Variants in RAB3GAP1 observed in about 807,000 individuals in gnomAD.
RAB3GAP1 encodes the protein RAB3 GTPase activating protein catalytic subunit 1.
RAB3GAP1 carries 86 observed loss-of-function variants against 130.7 expected under a neutral mutation model. The ratio of observed to expected loss-of-function variants is 0.66; its 90% CI spans 0.55 to 0.79. The LOEUF (loss-of-function observed/expected upper bound fraction) is 0.79, where lower values mean the gene tolerates loss of function less well. RAB3GAP1 is among the 30% of genes least tolerant of loss of function. RAB3GAP1 has a pLI of 0.00. For missense variants in RAB3GAP1, 1,029 were observed against 1,169.4 expected (o/e 0.88, Z 1.75); for synonymous variants, 367 against 401.7 (o/e 0.91, Z 1.03).
intron 17 of RAB3GAP1, among the ~76,000 whole-genome samples, chr2:135,147,166 C>T (rs775990624): frequency 2.0e-5 from 3 of 151,816 alleles, no homozygotes; most frequent in Admixed American, 6.6e-5. Flanking sequence ...GCCACCATGA[C>T]GAAACCCTGT....
intron 6 of RAB3GAP1, among the ~76,000 whole-genome samples, chr2:135,114,030 G>A (rs1478189135): frequency 6.6e-6 from 1 of 152,184 alleles, no homozygotes; most frequent in Non-Finnish European, 1.5e-5. Context: ...GATTATAGGT[G>A]TAAGCGACTG....
chr2:135,093,785 C>T (rs1364658094), intron 5 of RAB3GAP1, 92 bp downstream of exon 5: 1 of 987,172 alleles, frequency 1.0e-6, no homozygotes. Flanking sequence ...TAAGAAGACT[C>T]AGAGGACTCA....
At chr2:135,063,191 G>A (rs568997331) in intron 3 of RAB3GAP1, among the ~76,000 whole-genome samples, 18 of 152,098 alleles carry the variant, frequency 1.2e-4, no homozygotes, top group African/African-American at 4.3e-4. Flanking sequence ...TTTGCTGAAC[G>A]TTTTTTGTTT....
In RAB3GAP1 at chr2:135,117,684, G is replaced by C. The variant is rs62170235; in HGVS notation, c.648+2303G>C. Among the ~76,000 whole-genome samples, 3 of 22,752 alleles carry C rather than the reference G, an allele frequency of 1.3e-4. No individual in the cohort carries two copies. The South Asian group carries it at 4.6e-3, about 35-fold the overall frequency. 14.9% of individuals were successfully genotyped at this position (22,752 alleles called of 152,430 possible). On this transcript the variant is annotated intron_variant, in intron 7 of 23. Transcript: ENST00000264158. ...TTCTGCTTCTGCTTCTTCTGCTTCT[G>C]CTTCTTCTTCTGCTTCTTCTGCTTC...
In RAB3GAP1 at chr2:135,093,807, C is replaced by T. The variant is rs555284846; in HGVS notation, c.362+114C>T. On this transcript the variant is annotated intron_variant, in intron 5 of 23. Coordinates refer to ENST00000264158, the MANE Select transcript of RAB3GAP1 (RefSeq NM_012233.3). ...ACTCAGAGGACTCAGCATTTAATTG[C>T]AGCTGATTTATTGCAGAGACAGGAT... 7.1e-5 allele frequency: 62 copies of T among 878,982 alleles called. 1 individual carries two copies. The South Asian group carries it at 7.9e-4, about 11-fold the overall frequency. 54.4% of individuals were successfully genotyped at this position (878,982 alleles called of 1,614,324 possible).
Position 135,093,647 on chromosome 2 carries a change from G to A in RAB3GAP1, c.316G>A (p.Gly106Ser), listed in dbSNP as rs765329086. Reference sequence around the variant, plus strand: ...TCCACAATCTATGCAAGATTTGCTGGGTATGAATAATGACTTTCCTCCAAG... The same window carrying A: ...TCCACAATCTATGCAAGATTTGCTGAGTATGAATAATGACTTTCCTCCAAG... ...VVPQSMQDLL[G>S]MNNDFPPRAH... The change falls in exon 5 of 24, where the codon GGT becomes AGT. Residue 106 changes from glycine to serine, a missense_variant. Physicochemically the swap from Gly to Ser is moderately conservative, Grantham distance 56 (BLOSUM62 0). This residue lies in a region of RAB3GAP1 where 510 missense variants were observed against 532.1 expected (regional missense o/e 0.96). Coordinates refer to ENST00000264158, the MANE Select transcript of RAB3GAP1 (RefSeq NM_012233.3). 9.3e-6 allele frequency: 15 copies of A among 1,613,604 alleles called. No homozygotes were observed. Among genetic ancestry groups the A allele is most frequent in the Non-Finnish European group, 1.3e-5 (15 of 1,179,566 alleles).
At chr2:135,116,574 G>A (rs1471639238) in intron 7 of RAB3GAP1, among the ~76,000 whole-genome samples, 1 of 152,100 alleles carries the variant, frequency 6.6e-6, no homozygotes, top group Non-Finnish European at 1.5e-5. Context: ...TGGGACAATT[G>A]GGATGATTTT....
intron 5 of RAB3GAP1, among the ~76,000 whole-genome samples, chr2:135,108,172 T>C (rs933961737): frequency 1.3e-5 from 2 of 152,072 alleles, no homozygotes; most frequent in Admixed American, 6.6e-5. Context: ...ACCTTTCTCA[T>C]TTGGAGGATG....
chr2:135,145,526 T>C (rs1242867912), intron 17 of RAB3GAP1, among the ~76,000 whole-genome samples: 1 of 151,752 alleles, frequency 6.6e-6, no homozygotes, highest in Non-Finnish European at 1.5e-5. Context: ...TTAGGAATAC[T>C]GTCAGTGGAG....
At chr2:135,097,271 C>T (rs1446590204) in intron 5 of RAB3GAP1, among the ~76,000 whole-genome samples, 1 of 149,560 alleles carries the variant, frequency 6.7e-6, no homozygotes, top group Non-Finnish European at 1.5e-5. Flanking sequence ...GGCTGGAATA[C>T]ATTGATGCAA....
At chr2:135,124,756 A>G (rs1159318259) in intron 9 of RAB3GAP1, among the ~76,000 whole-genome samples, 1 of 152,232 alleles carries the variant, frequency 6.6e-6, no homozygotes, top group Non-Finnish European at 1.5e-5. Context: ...ATAACTCAGC[A>G]AACTGTGTCC....
At chr2:135,069,131 C>T (rs952951959) in intron 3 of RAB3GAP1, among the ~76,000 whole-genome samples, 2 of 152,152 alleles carry the variant, frequency 1.3e-5, no homozygotes, top group Admixed American at 1.3e-4. Context: ...TTATTACATA[C>T]ACAACACATT....
At chr2:135,131,814 G>T (rs1006968072) in intron 13 of RAB3GAP1, among the ~76,000 whole-genome samples, 1 of 152,162 alleles carries the variant, frequency 6.6e-6, no homozygotes, top group African/African-American at 2.4e-5. Context: ...GGCATATATG[G>T]GTCTTTGATA....
intron 5 of RAB3GAP1, among the ~76,000 whole-genome samples, chr2:135,095,011 G>A (rs1229497867): frequency 6.6e-6 from 1 of 152,136 alleles, no homozygotes; most frequent in Non-Finnish European, 1.5e-5. Context: ...AAACATGGGA[G>A]TGGAGATATC....
intron 2 of RAB3GAP1, among the ~76,000 whole-genome samples, chr2:135,056,483 G>T (rs1275936253): frequency 2.0e-5 from 3 of 152,206 alleles, no homozygotes; most frequent in Admixed American, 6.5e-5. Flanking sequence ...GATTACACGC[G>T]TGAGCCGCTG....
chr2:135,144,518 G>A (rs1344392976), intron 17 of RAB3GAP1, among the ~76,000 whole-genome samples: 1 of 152,234 alleles, frequency 6.6e-6, no homozygotes, highest in Non-Finnish European at 1.5e-5. Context: ...GGATTACTCA[G>A]AGGAAAGCAT....
At chr2:135,079,855 C>T (rs1689737216) in intron 3 of RAB3GAP1, among the ~76,000 whole-genome samples, 2 of 152,150 alleles carry the variant, frequency 1.3e-5, no homozygotes, top group South Asian at 2.1e-4. Context: ...GTTGGCTGGG[C>T]GCGGTGGCTC....
At chr2:135,137,142 G>A in intron 17 of RAB3GAP1, 1 of 357,038 alleles carries the variant, frequency 2.8e-6, no homozygotes, top group South Asian at 2.4e-5. Context: ...TAAACAGCAT[G>A]GGATATGAAG....
In RAB3GAP1 at chr2:135,143,714, C is replaced by T. The variant is rs570029164; in HGVS notation, c.1924-6655C>T. On this transcript the variant is annotated intron_variant, in intron 17 of 23. Transcript: ENST00000264158. ...CTGGGACTACAGGTGCCCACCACCA[C>T]GCCTGGCTAATTTTTTGTATTTTTA... 1.1e-4 allele frequency among the ~76,000 whole-genome samples: 16 copies of T among 152,104 alleles called. No individual in the cohort carries two copies. The South Asian group carries it at 2.1e-3, about 20-fold the overall frequency.
Sources: allele counts gnomAD v4.1 joint callset (sites outside exome capture counted in the v4.1 genomes callset), GRCh38; gene constraint gnomAD v4.1.1; regional missense constraint gnomAD v4.1.1; transcripts MANE v1.5; gene names NCBI Gene and HGNC (gene_info 2026-07-23, HGNC 2026-07-21).